The following FYN variants were observed in gnomAD, a reference collection of about 807,000 sequenced individuals.
FYN encodes tyrosine-protein kinase Fyn.
In FYN, 10 loss-of-function variants were observed where a neutral mutation model predicts 70.2. The ratio of observed to expected loss-of-function variants is 0.14; its 90% CI spans 0.09 to 0.24. FYN has a LOEUF of 0.24. FYN is among the 10% of genes least tolerant of loss of function. The probability of loss-of-function intolerance (pLI) is 1.00; values close to 1 mark genes in which losing one functional copy is unlikely to be tolerated. For synonymous variants in FYN, 236 were observed against 248.6 expected (o/e 0.95, Z 0.48); for missense variants, 319 against 673.1 (o/e 0.47, Z 5.82).
chr6:111,694,438 A>C lies in FYN; in HGVS notation c.1210T>G (p.Cys404Gly), dbSNP rs1342905891. 1 of 1,614,142 alleles carries C rather than the reference A, an allele frequency of 6.2e-7. No homozygotes were observed. The highest frequency in any genetic ancestry group is 8.5e-7 in the Non-Finnish European group (1 of 1,180,046). Residue 404 changes from cysteine to glycine, a missense_variant, in exon 12 of 14, where the codon TGC becomes GGC. By Grantham distance (159) the Cys-to-Gly change is radical. Transcript: ENST00000354650. This position sits in a 1 kb window ranked among gnomAD's most constrained non-coding sequence, Gnocchi z 5.0. Reference sequence around the variant, plus strand: ...GCCAATCCGAAGTCAGCAATCTTGCATATGAGTCCATTCCCCACTAGAATG... The same window carrying C: ...GCCAATCCGAAGTCAGCAATCTTGCCTATGAGTCCATTCCCCACTAGAATG... ...ANILVGNGLICKIADFGLARL... is the reference protein window; with the variant it reads ...ANILVGNGLIGKIADFGLARL...
chr6:111,697,577 A>G (rs1799629176), intron 9 of FYN, among the ~76,000 whole-genome samples: 2 of 152,196 alleles, frequency 1.3e-5, no homozygotes, highest in Non-Finnish European at 2.9e-5. Flanking sequence ...GCTTAAAGAA[A>G]AGTTCATTTA....
intron 1 of FYN, among the ~76,000 whole-genome samples, chr6:111,849,928 G>T (rs1410392133): frequency 1.3e-5 from 2 of 152,108 alleles, no homozygotes; most frequent in Non-Finnish European, 2.9e-5. Context: ...TTGTTTCCCC[G>T]CTAGACTGTC....
intron 3 of FYN, among the ~76,000 whole-genome samples, chr6:111,723,800 C>A (rs577225414): frequency 6.6e-6 from 1 of 152,324 alleles, no homozygotes; most frequent in South Asian, 2.1e-4. Context: ...GCTGTAAGTG[C>A]ATCGTGACAT....
intron 2 of FYN, among the ~76,000 whole-genome samples, chr6:111,807,924 A>G (rs1772201242): frequency 6.6e-6 from 1 of 152,118 alleles, no homozygotes; most frequent in East Asian, 1.9e-4. Flanking sequence ...CTTGGTCAAC[A>G]TAGTGAAACC....
At chr6:111,675,701 G>C (rs1323993936) in intron 12 of FYN, among the ~76,000 whole-genome samples, 2 of 152,018 alleles carry the variant, frequency 1.3e-5, no homozygotes, top group Non-Finnish European at 2.9e-5. Flanking sequence ...GCTGAGGCGG[G>C]AGAATCACTT....
intron 3 of FYN, chr6:111,754,595 C>G (rs1802632583): frequency 6.6e-6 from 1 of 152,284 alleles, no homozygotes; most frequent in South Asian, 2.1e-4. Flanking sequence ...TGTTTATCTT[C>G]AGGAAAAGGA....
intron 2 of FYN, among the ~76,000 whole-genome samples, chr6:111,844,425 A>T (rs1773457334): frequency 6.6e-6 from 1 of 152,218 alleles, no homozygotes; most frequent in African/African-American, 2.4e-5. Context: ...GGATAGGTAA[A>T]CACAGACAAA....
rs80173987 is a variant in FYN, at chr6:111,809,497, G to A, written c.-81-28862C>T. Among the ~76,000 whole-genome samples, 30 of 152,276 alleles carry A rather than the reference G, an allele frequency of 2.0e-4. 1 individual carries two copies. In the East Asian group the frequency reaches 5.8e-3, roughly 29 times the overall value. ...CATGGGGAATGATGTGAGCTCCTAG[G>A]GATACACCAGGTTATTTCACAAACA... is the stretch of plus-strand genomic sequence containing the variant. On this transcript the variant is annotated intron_variant, in intron 2 of 13. Transcript: ENST00000354650.
At chr6:111,847,134 C>T (rs971746262) in intron 1 of FYN, among the ~76,000 whole-genome samples, 1 of 152,222 alleles carries the variant, frequency 6.6e-6, no homozygotes, top group Non-Finnish European at 1.5e-5. Context: ...TTGGGGATGG[C>T]CCCTGGTTCC....
At chr6:111,675,741 C>A (rs140489531) in intron 12 of FYN, among the ~76,000 whole-genome samples, 3,549 of 151,258 alleles carry the variant, frequency 0.023, 142 homozygotes, top group African/African-American at 0.083. Flanking sequence ...TGCAGTGAGC[C>A]GAGATCGTGC....
intron 3 of FYN, among the ~76,000 whole-genome samples, chr6:111,723,570 T>C (rs1210767564): frequency 2.6e-5 from 4 of 152,200 alleles, no homozygotes; most frequent in Non-Finnish European, 4.4e-5. Flanking sequence ...CATTAAAAGT[T>C]AATCACAATG....
intron 9 of FYN, 93 bp downstream of exon 9, chr6:111,700,011 G>T: frequency 8.8e-7 from 1 of 1,142,162 alleles, no homozygotes; most frequent in East Asian, 2.5e-5. Flanking sequence ...CTTTCTTCCC[G>T]GTCACGCAGT....
At chr6:111,662,555 T>C (rs1797800692) in intron 13 of FYN, among the ~76,000 whole-genome samples, 1 of 152,204 alleles carries the variant, frequency 6.6e-6, no homozygotes, top group South Asian at 2.1e-4. Context: ...ATAAACTGCA[T>C]CCTTAAAATT....
chr6:111,845,796 C>G (rs1270659105), intron 2 of FYN, among the ~76,000 whole-genome samples: 1 of 152,146 alleles, frequency 6.6e-6, no homozygotes, highest in East Asian at 1.9e-4. Context: ...GGGTGGCTAG[C>G]GAGAGCTGCG....
At chr6:111,812,867 T>C (rs1429462692) in intron 2 of FYN, among the ~76,000 whole-genome samples, 1 of 152,108 alleles carries the variant, frequency 6.6e-6, no homozygotes, top group African/African-American at 2.4e-5. Context: ...ATTCTTTAGA[T>C]AAAAGACATC....
intron 2 of FYN, among the ~76,000 whole-genome samples, chr6:111,782,902 T>C (rs1054103831): frequency 6.6e-6 from 1 of 152,152 alleles, no homozygotes; most frequent in Non-Finnish European, 1.5e-5. Flanking sequence ...GTGGGACAAA[T>C]AGACTGAGCA....
intron 2 of FYN, among the ~76,000 whole-genome samples, chr6:111,796,361 A>C (rs1418476952): frequency 6.6e-6 from 1 of 152,230 alleles, no homozygotes; most frequent in Non-Finnish European, 1.5e-5. Flanking sequence ...AATATTTACC[A>C]TTGTGTTATA....
intron 12 of FYN, among the ~76,000 whole-genome samples, chr6:111,674,899 T>C (rs1414135420): frequency 2.6e-5 from 4 of 152,168 alleles, no homozygotes; most frequent in Non-Finnish European, 5.9e-5. Flanking sequence ...GAAAATTATA[T>C]ATATATTTAA....
At position 111,861,423 on chromosome 6, in the gene FYN, G is replaced by T. The variant is rs1227415149; in HGVS notation, c.-123+11545C>A. 2.0e-5 allele frequency among the ~76,000 whole-genome samples: 3 copies of T among 152,342 alleles called. No individual in the cohort carries two copies. The East Asian group carries it at 5.8e-4, about 29-fold the overall frequency. On this transcript the variant is annotated intron_variant, in intron 1 of 13. Coordinates refer to ENST00000354650, the MANE Select transcript of FYN (RefSeq NM_002037.5). Reference sequence around the variant, plus strand: ...GTGATCTCCCACATTTAAGGTGGTAGTTGTGGTAGCGGGGAGGTGGCAGAA... The same window carrying T: ...GTGATCTCCCACATTTAAGGTGGTATTTGTGGTAGCGGGGAGGTGGCAGAA...
Sources: allele counts gnomAD v4.1 joint callset (sites outside exome capture counted in the v4.1 genomes callset), GRCh38; gene constraint gnomAD v4.1.1; non-coding constraint Gnocchi (gnomAD v3.1); transcripts MANE v1.5; gene names NCBI Gene and HGNC (gene_info 2026-07-23, HGNC 2026-07-21).